The following LIN52 variants were observed in gnomAD, a reference collection of about 807,000 sequenced individuals.
The protein encoded by LIN52 is protein lin-52 homolog.
In LIN52, 4 loss-of-function variants were observed where a neutral mutation model predicts 18.5. The observed-to-expected ratio is 0.22, with a 90% CI of 0.11 to 0.49. The LOEUF is 0.49. LIN52 is among the 20% of genes least tolerant of loss of function. The pLI, the probability that LIN52 is intolerant of heterozygous loss-of-function variation, is 0.97. For missense variants in LIN52, 102 were observed against 139.5 expected, an observed-to-expected ratio of 0.73 and a Z score of 1.35; for synonymous variants, 34 against 45.5, an observed-to-expected ratio of 0.75 and a Z score of 1.02.
chr14:74,132,834 A>T (rs1211758163), intron 5 of LIN52, among the ~76,000 whole-genome samples: 1 of 152,180 alleles, frequency 6.6e-6, no homozygotes, highest in African/African-American at 2.4e-5. Flanking sequence ...TGGTAGTGAT[A>T]GTCTGTGTTG....
In LIN52 at chr14:74,143,830, C is replaced by G. The variant is rs375860310; in HGVS notation, c.283+42592C>G. 9.2e-5 allele frequency among the ~76,000 whole-genome samples: 14 copies of G among 152,174 alleles called. 1 individual carries two copies. The highest frequency in any genetic ancestry group is 7.2e-4 in the Admixed American group (11 of 15,278). ...TCCAGCTATTTCATAATATGTGATA[C>G]CTTACTGTTAACTAGTCACCCTGCT... On this transcript the variant is annotated intron_variant, in intron 5 of 5. Coordinates refer to ENST00000555028, the MANE Select transcript of LIN52 (RefSeq NM_001024674.3).
chr14:74,178,460 A>ATT lies in LIN52; in HGVS notation c.284-20448_284-20447dup, dbSNP rs376347275. On this transcript the variant is annotated intron_variant, in intron 5 of 5. Transcript: ENST00000555028. ...TTAATAAGTACTCTTTATTAAAATA[A>ATT]TTTTTTTTTTTTTTTGCGACAGATT... Among the ~76,000 whole-genome samples, 97 of 141,434 alleles carry ATT rather than the reference A, an allele frequency of 6.9e-4. 1 individual carries two copies. Among genetic ancestry groups the ATT allele is most frequent in the African/African-American group, 1.2e-3 (47 of 38,688 alleles). The allele number at this position is 141,434 out of a possible 152,430, so 92.8% of individuals were successfully genotyped here.
rs144674028 is a variant in LIN52, at chr14:74,088,333, C to A, written c.20-2899C>A. On this transcript the variant is annotated intron_variant, in intron 1 of 5. Transcript: ENST00000555028. ...CTTGAACTCCTGACCTCAGGTGATG[C>A]ACTCACCTCGGCCTCCCAAAGTGCT... Among the ~76,000 whole-genome samples the A allele has an allele frequency of 3.9e-4, 60 of 152,236 alleles. 1 individual carries two copies. The East Asian group carries it at 0.011, about 27-fold the overall frequency.
chr14:74,193,231 C>T (rs1346711023), intron 5 of LIN52, among the ~76,000 whole-genome samples: 1 of 133,794 alleles, frequency 7.5e-6, no homozygotes, highest in African/African-American at 2.9e-5. Flanking sequence ...GCTAGTAGTT[C>T]AAGATCCTGT....
chr14:74,093,418 C>T (rs1170601037), intron 2 of LIN52, among the ~76,000 whole-genome samples: 11 of 150,600 alleles, frequency 7.3e-5, no homozygotes, highest in Admixed American at 6.6e-5. Context: ...CCTCTGCTTC[C>T]GGGTTCAAGC....
chr14:74,151,036 A>G (rs1302641483), intron 5 of LIN52, among the ~76,000 whole-genome samples: 2 of 152,212 alleles, frequency 1.3e-5, no homozygotes, highest in African/African-American at 2.4e-5. Flanking sequence ...GTTTTTTAAT[A>G]TAAACCTCCT....
intron 5 of LIN52, among the ~76,000 whole-genome samples, chr14:74,190,337 G>A (rs1417703650): frequency 2.0e-5 from 3 of 149,940 alleles, no homozygotes; most frequent in Non-Finnish European, 4.4e-5. Context: ...TCTTTTCTCA[G>A]GTATATAGTA....
At chr14:74,152,415 A>G (rs912557521) in intron 5 of LIN52, among the ~76,000 whole-genome samples, 1 of 152,150 alleles carries the variant, frequency 6.6e-6, no homozygotes, top group African/African-American at 2.4e-5. Context: ...CATTGCTTCA[A>G]TAGCCATCAT....
At chr14:74,190,872 A>G (rs1328063748) in intron 5 of LIN52, among the ~76,000 whole-genome samples, 1 of 152,226 alleles carries the variant, frequency 6.6e-6, no homozygotes, top group Non-Finnish European at 1.5e-5. Context: ...AGGGCCACCA[A>G]GTGTCCTAAT....
At chr14:74,151,671 T>C (rs1375160758) in intron 5 of LIN52, among the ~76,000 whole-genome samples, 1 of 152,196 alleles carries the variant, frequency 6.6e-6, no homozygotes, top group Non-Finnish European at 1.5e-5. Context: ...TTAAGGAATT[T>C]GACATCGATT....
At chr14:74,116,822 C>A (rs969311469) in intron 5 of LIN52, among the ~76,000 whole-genome samples, 1 of 148,274 alleles carries the variant, frequency 6.7e-6, no homozygotes, top group Non-Finnish European at 1.5e-5. Flanking sequence ...TACAATTTTA[C>A]AGCAGGTGTT....
At chr14:74,183,101 C>CT (rs1317789271) in intron 5 of LIN52, among the ~76,000 whole-genome samples, 172 of 87,692 alleles carry the variant, frequency 2.0e-3, no homozygotes, top group Non-Finnish European at 2.8e-3. Context: ...CTCTCTCTCT[C>CT]TCTTTTTTTT....
At chr14:74,117,191 A>G (rs987801077) in intron 5 of LIN52, among the ~76,000 whole-genome samples, 1 of 152,220 alleles carries the variant, frequency 6.6e-6, no homozygotes, top group Non-Finnish European at 1.5e-5. Flanking sequence ...CTCATTTCCC[A>G]TACTCAGGAT....
intron 5 of LIN52, among the ~76,000 whole-genome samples, chr14:74,191,246 G>A (rs2078874471): frequency 6.6e-6 from 1 of 152,174 alleles, no homozygotes; most frequent in Admixed American, 6.5e-5. Context: ...ACAACAGCTA[G>A]CTCCATCTCA....
intron 5 of LIN52, among the ~76,000 whole-genome samples, chr14:74,188,791 G>A (rs1233179091): frequency 3.3e-5 from 5 of 152,164 alleles, no homozygotes; most frequent in Non-Finnish European, 5.9e-5. Flanking sequence ...AGTGATGGAC[G>A]TCTCAAGGTG....
At chr14:74,094,891 C>T (rs555252534) in intron 2 of LIN52, among the ~76,000 whole-genome samples, 3 of 152,088 alleles carry the variant, frequency 2.0e-5, no homozygotes, top group Non-Finnish European at 4.4e-5. Flanking sequence ...CCACACCCAG[C>T]TAATCTTTTG....
chr14:74,125,630 A>G (rs1162218036), intron 5 of LIN52, among the ~76,000 whole-genome samples: 2 of 152,038 alleles, frequency 1.3e-5, no homozygotes, highest in African/African-American at 4.8e-5. Context: ...AAAGACTTGG[A>G]ACCAACCCAA....
intron 5 of LIN52, among the ~76,000 whole-genome samples, chr14:74,186,718 G>A (rs1223795976): frequency 2.6e-5 from 4 of 152,126 alleles, no homozygotes; most frequent in Admixed American, 2.0e-4. Flanking sequence ...GCACCTGAAG[G>A]CCAGGCGTGG....
chr14:74,178,794 A>G (rs2061304136), intron 5 of LIN52, among the ~76,000 whole-genome samples: 1 of 151,934 alleles, frequency 6.6e-6, no homozygotes, highest in African/African-American at 2.4e-5. Flanking sequence ...CAAAAAAAAT[A>G]GAGAGGCTGG....
Sources: gnomAD v4.1 joint callset for allele counts (sites outside exome capture counted in the v4.1 genomes callset) on GRCh38, gnomAD v4.1.1 for gene constraint, MANE v1.5 for transcripts, NCBI Gene and HGNC (gene_info 2026-07-23, HGNC 2026-07-21) for gene names.